The following RASSF5 variants were observed in gnomAD, a reference collection of about 807,000 sequenced individuals.
RASSF5 encodes the protein ras association domain-containing protein 5.
Under a neutral mutation model 40.5 loss-of-function variants are expected in RASSF5, and 25 were observed. The ratio of observed to expected loss-of-function variants is 0.62; its 90% CI spans 0.45 to 0.86. The LOEUF (loss-of-function observed/expected upper bound fraction) is 0.86. RASSF5 is among the 40% of genes least tolerant of loss of function. RASSF5 has a pLI of 0.00. For missense variants in RASSF5, 521 were observed against 572.8 expected (o/e 0.91, Z 0.92); for synonymous variants, 246 against 252.4 (o/e 0.97, Z 0.24).
At chr1:206,510,999 T>G (rs952122201) in intron 1 of RASSF5, among the ~76,000 whole-genome samples, 4 of 152,218 alleles carry the variant, frequency 2.6e-5, no homozygotes, top group Non-Finnish European at 5.9e-5. Context: ...TGGAAAACAC[T>G]CTTCCCACTG....
intron 4 of RASSF5, 165 bp from the exon 5 acceptor site, chr1:206,585,015 A>T: frequency 1.6e-6 from 1 of 644,608 alleles, no homozygotes; most frequent in Admixed American, 2.6e-5. Flanking sequence ...CCCAAGATAA[A>T]AGGTTATTGC....
intron 2 of RASSF5, among the ~76,000 whole-genome samples, chr1:206,556,867 G>A (rs1228869595): frequency 1.3e-5 from 2 of 152,168 alleles, no homozygotes; most frequent in African/African-American, 4.8e-5. Flanking sequence ...GGGGAGAAGG[G>A]AGGAGGGATG....
intron 2 of RASSF5, among the ~76,000 whole-genome samples, chr1:206,555,306 A>G (rs1667949241): frequency 6.6e-6 from 1 of 151,950 alleles, no homozygotes; most frequent in Non-Finnish European, 1.5e-5. Context: ...TGAAGGTTGC[A>G]TTGCAGAGCT....
At chr1:206,510,751 C>T (rs1553394538) in intron 1 of RASSF5, among the ~76,000 whole-genome samples, 3 of 152,292 alleles carry the variant, frequency 2.0e-5, no homozygotes, top group South Asian at 2.1e-4. Context: ...ATAGGGGCCA[C>T]GAAGCCATTG....
At chr1:206,529,992 A>G (rs1389222626) in intron 1 of RASSF5, among the ~76,000 whole-genome samples, 1 of 152,240 alleles carries the variant, frequency 6.6e-6, no homozygotes, top group Non-Finnish European at 1.5e-5. Context: ...TATGGATTAT[A>G]TGAAATAATG....
intron 2 of RASSF5, among the ~76,000 whole-genome samples, chr1:206,555,652 C>A (rs921992013): frequency 2.0e-5 from 3 of 152,234 alleles, no homozygotes. Flanking sequence ...CGTCTCCCTC[C>A]TCTTATCTGC....
At chr1:206,557,882 C>T (rs1668034897) in intron 2 of RASSF5, among the ~76,000 whole-genome samples, 1 of 152,180 alleles carries the variant, frequency 6.6e-6, no homozygotes, top group Non-Finnish European at 1.5e-5. Flanking sequence ...AGTTGGTCAG[C>T]CCTCCTCACA....
chr1:206,559,743 C>T (rs1024907936), intron 2 of RASSF5, among the ~76,000 whole-genome samples: 1 of 152,172 alleles, frequency 6.6e-6, no homozygotes, highest in South Asian at 2.1e-4. Context: ...GTGGTGGGCA[C>T]GGCCCCTCTT....
At chr1:206,538,696 G>C (rs1268055711) in intron 2 of RASSF5, among the ~76,000 whole-genome samples, 1 of 152,234 alleles carries the variant, frequency 6.6e-6, no homozygotes, top group Non-Finnish European at 1.5e-5. Context: ...CTTCAGAGAG[G>C]CTGGGCAAAT....
intron 1 of RASSF5, chr1:206,518,638 A>T: frequency 5.5e-6 from 2 of 365,950 alleles, no homozygotes; most frequent in Non-Finnish European, 9.7e-6. Context: ...TCTTTCTGGC[A>T]GTCTGCTGTT....
At chr1:206,509,757 C>T (rs892535147) in intron 1 of RASSF5, among the ~76,000 whole-genome samples, 2 of 150,694 alleles carry the variant, frequency 1.3e-5, no homozygotes, top group Admixed American at 6.6e-5. Context: ...GATAATGGTG[C>T]GTTTGTGTGT....
chr1:206,558,869 G>A (rs182747016), intron 2 of RASSF5, among the ~76,000 whole-genome samples: 72 of 152,280 alleles, frequency 4.7e-4, no homozygotes, highest in African/African-American at 1.7e-3. Flanking sequence ...AGGGACAGGC[G>A]TCCCTTTCCC....
Position 206,513,945 on chromosome 1 carries a change from G to A in RASSF5, c.457+5886G>A, listed in dbSNP as rs781905498. ...ACTATCTTGACTCACACCTGGGGAA[G>A]TGACTTTTGAGTTTTTTCTGAAGCA... On this transcript the variant is annotated intron_variant, in intron 1 of 5. Transcript: ENST00000579436. This position sits in a 1 kb window ranked among gnomAD's most constrained non-coding sequence, Gnocchi z 5.0. 6.6e-6 allele frequency among the ~76,000 whole-genome samples: 1 copy of A among 152,238 alleles called. No individual in the cohort carries two copies. The highest frequency in any genetic ancestry group is 1.5e-5 in the Non-Finnish European group (1 of 68,034).
chr1:206,583,453 C>A, intron 3 of RASSF5, 74 bp downstream of exon 3: 1 of 1,019,920 alleles, frequency 9.8e-7, no homozygotes, highest in Non-Finnish European at 1.5e-6. Context: ...TGCCCTCACT[C>A]TGAATTCTGT....
Position 206,560,584 on chromosome 1 carries a change from G to A in RASSF5, c.579+22291G>A, listed in dbSNP as rs1668110866. Among the ~76,000 whole-genome samples the A allele has an allele frequency of 1.3e-5, 2 of 152,162 alleles. No homozygotes were observed. Among genetic ancestry groups the A allele is most frequent in the African/African-American group, 2.4e-5 (1 of 41,420 alleles). ...AGGAGGCTGAGGCAGTACTCTCCTGGTACTTTCCCACTTGGCTAGGCACAA... is the reference window on the plus strand; with the variant it reads ...AGGAGGCTGAGGCAGTACTCTCCTGATACTTTCCCACTTGGCTAGGCACAA... On this transcript the variant is annotated intron_variant, in intron 2 of 5. Transcript: ENST00000579436. This position sits in a 1 kb window ranked among gnomAD's most constrained non-coding sequence, Gnocchi z 5.1.
intron 1 of RASSF5, among the ~76,000 whole-genome samples, chr1:206,523,453 A>C (rs1666967009): frequency 8.7e-6 from 1 of 115,318 alleles, no homozygotes; most frequent in Non-Finnish European, 1.7e-5. Flanking sequence ...ATAATATATA[A>C]TATATTAAAT....
At chr1:206,538,443 C>A in intron 2 of RASSF5, 150 bp downstream of exon 2, 2 of 1,076,484 alleles carry the variant, frequency 1.9e-6, no homozygotes, top group Non-Finnish European at 2.7e-6. Context: ...CACCCTGTTC[C>A]AAGGGGACTA....
intron 2 of RASSF5, among the ~76,000 whole-genome samples, chr1:206,576,327 GC>G (rs1668657271): frequency 6.6e-6 from 1 of 152,210 alleles, no homozygotes; most frequent in South Asian, 2.1e-4. Flanking sequence ...AGGCCATGGG[GC>G]TGGTGTTTGG....
rs1668797901 is a variant in RASSF5, at chr1:206,579,825, A to G, written c.580-3444A>G. On this transcript the variant is annotated intron_variant, in intron 2 of 5. Transcript: ENST00000579436. This position sits in a 1 kb window ranked among gnomAD's most constrained non-coding sequence, Gnocchi z 4.2. Reference sequence around the variant, plus strand: ...GATTATACGCCATCTCTTGGGTGGAAAAAGGATCCGTGAGCCCTCGTGGCT... The same window carrying G: ...GATTATACGCCATCTCTTGGGTGGAGAAAGGATCCGTGAGCCCTCGTGGCT... Among the ~76,000 whole-genome samples, 1 of 152,194 alleles carries G rather than the reference A, an allele frequency of 6.6e-6. No individual in the cohort carries two copies. The highest frequency in any genetic ancestry group is 1.5e-5 in the Non-Finnish European group (1 of 68,034).
Sources: allele counts gnomAD v4.1 joint callset (sites outside exome capture counted in the v4.1 genomes callset), GRCh38; gene constraint gnomAD v4.1.1; non-coding constraint Gnocchi (gnomAD v3.1); transcripts MANE v1.5; gene names NCBI Gene and HGNC (gene_info 2026-07-23, HGNC 2026-07-21).